The following PARD3 variants were observed in gnomAD, a reference collection of about 807,000 sequenced individuals.
PARD3 encodes the protein partitioning defective 3 homolog.
A neutral mutation model predicts 155.4 loss-of-function variants in PARD3; 75 were observed. That is an observed-to-expected ratio of 0.48 (90% confidence interval 0.40 to 0.58). The LOEUF (loss-of-function observed/expected upper bound fraction) is 0.58, where lower values mean the gene tolerates loss of function less well. PARD3 is among the 20% of genes least tolerant of loss of function. The pLI is 0.00. For missense variants in PARD3, 1,642 were observed against 1,721.7 expected (o/e 0.95, Z 0.82); for synonymous variants, 576 against 610.5 (o/e 0.94, Z 0.83).
At chr10:34,653,644 G>A (rs1411903645) in intron 2 of PARD3, among the ~76,000 whole-genome samples, 1 of 152,024 alleles carries the variant, frequency 6.6e-6, no homozygotes, top group South Asian at 2.1e-4. Context: ...AAACTGCCAG[G>A]TGTGGTGGTG....
chr10:34,193,027 G>A (rs1404450681), intron 22 of PARD3, among the ~76,000 whole-genome samples: 8 of 152,182 alleles, frequency 5.3e-5, no homozygotes, highest in Non-Finnish European at 1.0e-4. Context: ...TTGGAGCTTT[G>A]AAGGAAATGG....
intron 20 of PARD3, among the ~76,000 whole-genome samples, chr10:34,291,711 C>T (rs1956682998): frequency 6.6e-6 from 1 of 152,192 alleles, no homozygotes; most frequent in Admixed American, 6.5e-5. Context: ...TGACTCTGTG[C>T]TCTCATACTG....
chr10:34,675,679 G>T, intron 2 of PARD3: 1 of 196,838 alleles, frequency 5.1e-6, no homozygotes, highest in Non-Finnish European at 1.1e-5. Context: ...TCCTTGGCCT[G>T]AGATTCCTTA....
At position 34,782,318 on chromosome 10, in the gene PARD3, T is replaced by C. The variant is rs74134416; in HGVS notation, c.120+32558A>G. ...AGAGGCAGAATCCAGCCTCCTCCAC[T>C]GGGCGCTGGAGCAAAATTTTAGAAA... On this transcript the variant is annotated intron_variant, in intron 1 of 24. Transcript: ENST00000374788. Among the ~76,000 whole-genome samples the C allele has an allele frequency of 7.9e-3, 1,199 of 152,288 alleles. 15 individuals carry two copies. The highest frequency in any genetic ancestry group is 0.027 in the African/African-American group (1,140 of 41,550).
At chr10:34,280,124 T>G (rs552625797) in intron 21 of PARD3, among the ~76,000 whole-genome samples, 1 of 152,338 alleles carries the variant, frequency 6.6e-6, no homozygotes, top group Admixed American at 6.5e-5. Context: ...TTGGGAAATT[T>G]GGCCAGATAT....
intron 2 of PARD3, among the ~76,000 whole-genome samples, chr10:34,690,525 C>T (rs886085557): frequency 3.3e-5 from 5 of 152,124 alleles, no homozygotes; most frequent in Non-Finnish European, 5.9e-5. Context: ...TTATGCTGAG[C>T]ATAAATGAGT....
chr10:34,758,062 A>G (rs1836977455), intron 1 of PARD3, among the ~76,000 whole-genome samples: 1 of 152,220 alleles, frequency 6.6e-6, no homozygotes, highest in African/African-American at 2.4e-5. Context: ...CAAGCACTCA[A>G]AGTATTCATT....
At chr10:34,345,043 C>T (rs1189504452) in intron 15 of PARD3, 3 of 984,200 alleles carry the variant, frequency 3.0e-6, no homozygotes, top group Non-Finnish European at 2.4e-6. Flanking sequence ...TGGAGACTTT[C>T]GAATAACTGC....
At position 34,111,239 on chromosome 10, in the gene PARD3, G is replaced by A. The variant is rs1429728150; in HGVS notation, c.3992C>T (p.Pro1331Leu). The change falls in exon 25 of 25, where the codon CCC (proline) becomes CTC (leucine). Residue 1331 changes from proline (P) to leucine (L), a missense_variant. By Grantham distance (98) the Pro-to-Leu change is moderately conservative. This residue lies in a region of PARD3 where 1,529 missense variants were observed against 1,587.3 expected (regional missense o/e 0.96). Transcript: ENST00000374788. ...PKGPFRQDVP[P>L]SPSQVARLNR... ...CAGCCTCGCAACCTGAGAAGGGGAG[G>A]GGGGCACATCTTGCCGGAAGGGCCC... 6.2e-7 allele frequency: 1 copy of A among 1,611,754 alleles called. No individual in the cohort carries two copies. The highest frequency in any genetic ancestry group is 8.5e-7 in the Non-Finnish European group (1 of 1,178,086).
intron 2 of PARD3, among the ~76,000 whole-genome samples, chr10:34,519,821 ATAACATAAC>A (rs1314564812): frequency 1.4e-4 from 2 of 14,416 alleles, no homozygotes; most frequent in Non-Finnish European, 3.3e-4. Context: ...CTCAAAATAA[ATAACATAAC>A]ATAACATAAC....
chr10:34,599,622 G>C (rs1221528159), intron 2 of PARD3, among the ~76,000 whole-genome samples: 1 of 152,070 alleles, frequency 6.6e-6, no homozygotes, highest in Non-Finnish European at 1.5e-5. Flanking sequence ...TCAAATTAAT[G>C]TCAGGAAAAA....
chr10:34,265,053 C>T lies in PARD3; in HGVS notation c.3419+4604G>A, dbSNP rs981539244. On this transcript the variant is annotated intron_variant, in intron 22 of 24. Transcript: ENST00000374788. Reference sequence around the variant, plus strand: ...GGTGTGAGCCACTGTGCCCGGCCTACGCCAACATTTTTGTGAGTTTTAAGC... The same window carrying T: ...GGTGTGAGCCACTGTGCCCGGCCTATGCCAACATTTTTGTGAGTTTTAAGC... 6.6e-5 allele frequency among the ~76,000 whole-genome samples: 10 copies of T among 152,296 alleles called. No individual in the cohort carries two copies. In the East Asian group the frequency reaches 7.7e-4, roughly 12 times the overall value.
chr10:34,191,197 T>C (rs1366057842), intron 22 of PARD3, among the ~76,000 whole-genome samples: 2 of 151,820 alleles, frequency 1.3e-5, no homozygotes, highest in African/African-American at 4.8e-5. Flanking sequence ...AGTGATAGCA[T>C]TGGCAATTTG....
intron 1 of PARD3, among the ~76,000 whole-genome samples, chr10:34,783,498 G>A (rs1840524265): frequency 6.6e-6 from 1 of 151,116 alleles, no homozygotes; most frequent in Non-Finnish European, 1.5e-5. Flanking sequence ...CAGCTACTCA[G>A]GAGGCTGAGG....
intron 2 of PARD3, among the ~76,000 whole-genome samples, chr10:34,571,826 G>A (rs1394164189): frequency 6.6e-6 from 1 of 152,138 alleles, no homozygotes; most frequent in Non-Finnish European, 1.5e-5. Context: ...GTACCAATTT[G>A]ATGTTGCACC....
intron 2 of PARD3, among the ~76,000 whole-genome samples, chr10:34,593,835 A>AG (rs1467823007): frequency 1.3e-5 from 2 of 152,218 alleles, no homozygotes; most frequent in African/African-American, 4.8e-5. Context: ...CAACTTATTT[A>AG]GGAATTCATT....
intron 1 of PARD3, among the ~76,000 whole-genome samples, chr10:34,792,750 G>C (rs7907359): frequency 0.35 from 53,660 of 152,084 alleles, 10,610 homozygotes; most frequent in African/African-American, 0.55. Context: ...CACTGCTCAT[G>C]CCTACAGGCT....
At chr10:34,735,283 G>A (rs1161042072) in intron 1 of PARD3, among the ~76,000 whole-genome samples, 1 of 152,112 alleles carries the variant, frequency 6.6e-6, no homozygotes, top group Non-Finnish European at 1.5e-5. Context: ...CAAGAATAAA[G>A]CTGTAGAGAT....
At chr10:34,603,691 T>G (rs890794645) in intron 2 of PARD3, among the ~76,000 whole-genome samples, 5 of 152,018 alleles carry the variant, frequency 3.3e-5, no homozygotes, top group African/African-American at 1.2e-4. Flanking sequence ...CATCCCAACA[T>G]ATTAGACAGG....
Sources: allele counts gnomAD v4.1 joint callset (sites outside exome capture counted in the v4.1 genomes callset), GRCh38; gene constraint gnomAD v4.1.1; regional missense constraint gnomAD v4.1.1; transcripts MANE v1.5; gene names NCBI Gene and HGNC (gene_info 2026-07-23, HGNC 2026-07-21).